Variants in SHC4 observed in about 807,000 individuals in gnomAD.
SHC4 encodes SHC-transforming protein 4.
Under a neutral mutation model 69.4 loss-of-function variants are expected in SHC4, and 41 were observed. That is an observed-to-expected ratio of 0.59 (90% CI 0.46 to 0.77). The LOEUF (loss-of-function observed/expected upper bound fraction) is 0.77, where lower values mean the gene tolerates loss of function less well. SHC4 is among the 30% of genes least tolerant of loss of function. The pLI is 0.00. For synonymous variants in SHC4, 318 were observed against 299.3 expected, an observed-to-expected ratio of 1.06 and a Z score of -0.64; for missense variants, 777 against 783.8, an observed-to-expected ratio of 0.99 and a Z score of 0.10.
Position 48,824,928 on chromosome 15 carries a change from G to GT in SHC4, c.*1042dup, listed in dbSNP as rs56705458. On this transcript the variant is annotated 3_prime_UTR_variant, in exon 12 of 12. Coordinates refer to ENST00000332408, the MANE Select transcript of SHC4 (RefSeq NM_203349.4). ...TCTTTCCAAGTGCTTCATTCAATAT[G>GT]TTTTTTTTTCCTTCTGCATTTTGTC... 0.86 allele frequency: 130,985 copies of GT among 151,552 alleles called. 56,739 individuals are homozygous for GT. Among genetic ancestry groups the GT allele is most frequent in the East Asian group, 0.99 (5,057 of 5,128 alleles). 9.4% of individuals were successfully genotyped at this position (151,552 alleles called of 1,614,324 possible).
chr15:48,917,392 T>A (rs8029381), intron 2 of SHC4, among the ~76,000 whole-genome samples: 3,144 of 152,202 alleles, frequency 0.021, 110 homozygotes, highest in African/African-American at 0.073. Context: ...TATAGGAAAG[T>A]TTAAGTAACA....
In SHC4 at chr15:48,927,748, C is replaced by T. The variant is rs192794222; in HGVS notation, c.586-2799G>A. ...CTTGACATTCTGTCCGCCTGGCTCT[C>T]CTACACAGTTCTGCAGGACAAACCC... is the stretch of plus-strand genomic sequence containing the variant. On this transcript the variant is annotated intron_variant, in intron 1 of 11. Coordinates refer to ENST00000332408, the MANE Select transcript of SHC4 (RefSeq NM_203349.4). Among the ~76,000 whole-genome samples the T allele has an allele frequency of 3.3e-5, 5 of 152,264 alleles. No homozygotes were observed. The East Asian group carries it at 9.6e-4, about 29-fold the overall frequency.
At chr15:48,912,046 A>T (rs1338245207) in intron 2 of SHC4, among the ~76,000 whole-genome samples, 1 of 152,092 alleles carries the variant, frequency 6.6e-6, no homozygotes, top group Non-Finnish European at 1.5e-5. Flanking sequence ...CTTCGTCTTA[A>T]CTTTGACAAT....
intron 6 of SHC4, 77 bp downstream of exon 6, chr15:48,867,741 T>C: frequency 8.0e-7 from 1 of 1,246,906 alleles, no homozygotes; most frequent in Non-Finnish European, 1.2e-6. Flanking sequence ...ACTCTGTACA[T>C]TGAAAATAAC....
intron 1 of SHC4, among the ~76,000 whole-genome samples, chr15:48,941,357 C>A (rs375514751): frequency 1.3e-5 from 2 of 152,204 alleles, no homozygotes; most frequent in Admixed American, 6.5e-5. Context: ...GAGTAGTCAA[C>A]GTAGAAGCCA....
intron 1 of SHC4, among the ~76,000 whole-genome samples, chr15:48,955,494 G>A (rs988475888): frequency 2.0e-5 from 3 of 152,106 alleles, no homozygotes; most frequent in African/African-American, 7.2e-5. Context: ...TTGGGGAAAT[G>A]ACCCTAAGGT....
At chr15:48,880,175 A>G (rs911829811) in intron 4 of SHC4, 4 of 167,070 alleles carry the variant, frequency 2.4e-5, no homozygotes, top group African/African-American at 9.6e-5. Flanking sequence ...CCAATGCAAC[A>G]GGACAATTCA....
At chr15:48,926,511 G>T (rs1248699962) in intron 1 of SHC4, among the ~76,000 whole-genome samples, 2 of 151,016 alleles carry the variant, frequency 1.3e-5, no homozygotes, top group African/African-American at 4.9e-5. Context: ...CACCCAGGCT[G>T]GTGTGCAGTG....
intron 4 of SHC4, among the ~76,000 whole-genome samples, chr15:48,875,725 T>C (rs570412526): frequency 6.6e-6 from 1 of 152,316 alleles, no homozygotes; most frequent in South Asian, 2.1e-4. Context: ...TCATTTTGCA[T>C]CGGTATATGC....
At chr15:48,868,747 G>T (rs1899610155) in intron 5 of SHC4, among the ~76,000 whole-genome samples, 1 of 152,156 alleles carries the variant, frequency 6.6e-6, no homozygotes, top group Admixed American at 6.6e-5. Context: ...AACCCACAAT[G>T]AATCACACAG....
chr15:48,862,370 C>T (rs1278606471), intron 6 of SHC4, among the ~76,000 whole-genome samples: 1 of 152,110 alleles, frequency 6.6e-6, no homozygotes, highest in African/African-American at 2.4e-5. Flanking sequence ...ACAGCAATTA[C>T]AGAAGCAGGG....
rs146108063 is a variant in SHC4, at chr15:48,946,875, C to T, written c.585+15556G>A. On this transcript the variant is annotated intron_variant, in intron 1 of 11. Coordinates refer to ENST00000332408, the MANE Select transcript of SHC4 (RefSeq NM_203349.4). Reference sequence around the variant, plus strand: ...TTAAGTGAACAGCAGATATCTATTTCAGATGGATTAACATTTTTTAAAACT... The same window carrying T: ...TTAAGTGAACAGCAGATATCTATTTTAGATGGATTAACATTTTTTAAAACT... Among the ~76,000 whole-genome samples, 308 of 152,218 alleles carry T rather than the reference C, an allele frequency of 2.0e-3. 1 individual carries two copies. The highest frequency in any genetic ancestry group is 7.1e-3 in the African/African-American group (294 of 41,544).
intron 1 of SHC4, among the ~76,000 whole-genome samples, chr15:48,925,722 T>C (rs1900842327): frequency 6.6e-6 from 1 of 152,130 alleles, no homozygotes; most frequent in South Asian, 2.1e-4. Flanking sequence ...GCAGGCGTGA[T>C]GCGATTAGAT....
intron 4 of SHC4, among the ~76,000 whole-genome samples, chr15:48,873,316 T>C (rs1595740136): frequency 6.6e-6 from 1 of 152,260 alleles, no homozygotes; most frequent in Non-Finnish European, 1.5e-5. Context: ...TGCTGGAGTT[T>C]CTTGATCTGA....
At chr15:48,857,904 T>A in intron 6 of SHC4, 89 bp from the exon 7 acceptor site, 1 of 1,055,396 alleles carries the variant, frequency 9.5e-7, no homozygotes, top group Non-Finnish European at 1.3e-6. Context: ...AACCATGAAC[T>A]GATAATTGAA....
chr15:48,922,799 G>A (rs1353392410), intron 2 of SHC4, among the ~76,000 whole-genome samples: 2 of 152,162 alleles, frequency 1.3e-5, no homozygotes, highest in Non-Finnish European at 2.9e-5. Flanking sequence ...AATGTCTCAA[G>A]ATTAAGAATC....
At chr15:48,900,692 C>T (rs936949832) in intron 2 of SHC4, among the ~76,000 whole-genome samples, 1 of 152,038 alleles carries the variant, frequency 6.6e-6, no homozygotes, top group Admixed American at 6.6e-5. Flanking sequence ...CTATTTGCCC[C>T]TAAAATGCAT....
intron 6 of SHC4, among the ~76,000 whole-genome samples, chr15:48,866,182 G>A (rs970224133): frequency 2.6e-5 from 4 of 152,120 alleles, no homozygotes; most frequent in African/African-American, 7.2e-5. Flanking sequence ...ATTTAGGGAC[G>A]TTCAGGCAGG....
chr15:48,946,446 C>T (rs915141499), intron 1 of SHC4: 3 of 451,238 alleles, frequency 6.6e-6, no homozygotes, highest in African/African-American at 6.4e-5. Context: ...CCACGTCCTT[C>T]CTCATCCTTC....
Sources: allele counts gnomAD v4.1 joint callset (sites outside exome capture counted in the v4.1 genomes callset), GRCh38; gene constraint gnomAD v4.1.1; transcripts MANE v1.5; gene names NCBI Gene and HGNC (gene_info 2026-07-23, HGNC 2026-07-21).